Variants in NDFIP1 observed in about 807,000 individuals in gnomAD.
The protein encoded by NDFIP1 is Nedd4 family interacting protein 1.
A neutral mutation model predicts 28.8 loss-of-function variants in NDFIP1; 7 were observed. That is an observed-to-expected ratio of 0.24 (90% CI 0.14 to 0.46). NDFIP1 has a LOEUF of 0.46. Ranked by LOEUF, NDFIP1 falls within the 20% of genes least tolerant of loss-of-function variation. The pLI, the probability that NDFIP1 is intolerant of heterozygous loss-of-function variation, is 0.99. For missense variants in NDFIP1, 194 were observed against 269.1 expected, an observed-to-expected ratio of 0.72 and a Z score of 1.95; for synonymous variants, 92 against 101.0, an observed-to-expected ratio of 0.91 and a Z score of 0.53.
In NDFIP1 at chr5:142,151,718, C is replaced by T. The variant is rs1179431001; in HGVS notation, c.*3-13C>T. 6 of 152,638 alleles carry T rather than the reference C, an allele frequency of 3.9e-5. No homozygotes were observed. Among genetic ancestry groups the T allele is most frequent in the South Asian group, 2.1e-4 (1 of 4,824 alleles). 9.5% of individuals were successfully genotyped at this position (152,638 alleles called of 1,614,324 possible). On this transcript the variant is annotated splice_polypyrimidine_tract_variant and intron_variant, in intron 7 of 7. Transcript: ENST00000253814. ...TAACTAGAGTTTCAATATTCAATAT[C>T]CTTCTCTGGCAGATGTTTTCTGGCA...
In NDFIP1 at chr5:142,154,275, C is replaced by T. The variant is rs1056563702; in HGVS notation, c.*2547C>T. ...CTTGGGCTGCAGGACGACTAGGATT[C>T]ACCCATAACGACACAGTGCCCTATG... On this transcript the variant is annotated 3_prime_UTR_variant, in exon 8 of 8. Transcript: ENST00000253814. 1.3e-5 allele frequency: 2 copies of T among 152,312 alleles called. No homozygotes were observed. Among genetic ancestry groups the T allele is most frequent in the Non-Finnish European group, 2.9e-5 (2 of 68,034 alleles). The allele number at this position is 152,312 out of a possible 1,614,324, so 9.4% of individuals were successfully genotyped here. A position where few individuals can be genotyped will look rare whatever the true frequency, so the allele number is the denominator to read the frequency against.
At chr5:142,121,629 C>T (rs958787098) in intron 1 of NDFIP1, among the ~76,000 whole-genome samples, 1 of 152,176 alleles carries the variant, frequency 6.6e-6, no homozygotes, top group African/African-American at 2.4e-5. Context: ...GTTTAAAATG[C>T]ACTCCTTGTG....
intron 5 of NDFIP1, among the ~76,000 whole-genome samples, chr5:142,140,009 G>A (rs571623305): frequency 6.6e-6 from 1 of 152,058 alleles, no homozygotes; most frequent in African/African-American, 2.4e-5. Flanking sequence ...AGTTAATAAA[G>A]CTAAAAGCTG....
Position 142,108,972 on chromosome 5 carries a change from G to C in NDFIP1, c.-3G>C. The C allele has an allele frequency of 6.9e-7, 1 of 1,444,946 alleles. No homozygotes were observed. Among genetic ancestry groups the C allele is most frequent in the Non-Finnish European group, 9.1e-7 (1 of 1,102,248 alleles). 89.5% of individuals were successfully genotyped at this position (1,444,946 alleles called of 1,614,324 possible). A position where few individuals can be genotyped will look rare whatever the true frequency, so the allele number is the denominator to read the frequency against. On this transcript the variant is annotated 5_prime_UTR_variant, in exon 1 of 8. Coordinates refer to ENST00000253814, the MANE Select transcript of NDFIP1 (RefSeq NM_030571.4). ...GCTCTGCTTCCCTGCTGCCGGCTGCGCCATGGCGTTGGCGTTGGCGGCGCT... is the reference window on the plus strand; with the variant it reads ...GCTCTGCTTCCCTGCTGCCGGCTGCCCCATGGCGTTGGCGTTGGCGGCGCT...
At chr5:142,110,496 A>G (rs1170398550) in intron 1 of NDFIP1, among the ~76,000 whole-genome samples, 6 of 152,208 alleles carry the variant, frequency 3.9e-5, no homozygotes, top group Non-Finnish European at 8.8e-5. Context: ...TTCTTGAGCT[A>G]TTAGGTAATG....
chr5:142,112,269 C>T (rs547068626), intron 1 of NDFIP1, among the ~76,000 whole-genome samples: 1 of 150,976 alleles, frequency 6.6e-6, no homozygotes, highest in Non-Finnish European at 1.5e-5. Context: ...CCTGTAGTCC[C>T]AGCTACTCAG....
At chr5:142,134,290 G>A (rs753920786) in intron 3 of NDFIP1, among the ~76,000 whole-genome samples, 4 of 152,266 alleles carry the variant, frequency 2.6e-5, no homozygotes, top group South Asian at 2.1e-4. Flanking sequence ...GTTAGAAGGT[G>A]TTCGTAATAT....
chr5:142,139,971 C>G (rs1045027639), intron 5 of NDFIP1, among the ~76,000 whole-genome samples: 1 of 151,906 alleles, frequency 6.6e-6, no homozygotes. Flanking sequence ...TCTAAAAAAA[C>G]CAATTTTTGT....
intron 1 of NDFIP1, among the ~76,000 whole-genome samples, chr5:142,115,828 C>T (rs527354939): frequency 6.6e-6 from 1 of 152,242 alleles, no homozygotes; most frequent in African/African-American, 2.4e-5. Context: ...ACAGGTTCTA[C>T]ATTCGCAGAT....
At chr5:142,115,763 T>C (rs148215266) in intron 1 of NDFIP1, among the ~76,000 whole-genome samples, 2 of 152,156 alleles carry the variant, frequency 1.3e-5, no homozygotes, top group African/African-American at 4.8e-5. Context: ...CAGTGGTAAT[T>C]GCTTCTAGTG....
At chr5:142,144,748 G>C in intron 7 of NDFIP1, 72 bp downstream of exon 7, 1 of 1,007,114 alleles carries the variant, frequency 9.9e-7, no homozygotes, top group Middle Eastern at 2.6e-4. Flanking sequence ...TTCAGTTTTA[G>C]AGTAAGTATC....
intron 1 of NDFIP1, among the ~76,000 whole-genome samples, chr5:142,121,314 A>C (rs1757119866): frequency 6.6e-6 from 1 of 152,208 alleles, no homozygotes; most frequent in African/African-American, 2.4e-5. Context: ...AAGGTTGGAG[A>C]TGCCTGTTTC....
In NDFIP1 at chr5:142,153,218, C is replaced by G. The variant is rs921255583; in HGVS notation, c.*1490C>G. On this transcript the variant is annotated 3_prime_UTR_variant, in exon 8 of 8. Transcript: ENST00000253814. ...TCCTGATTTCTATTCTTGTCTCAAT[C>G]TTAAATTTAGAGACCAGTTGTTTTT... 5 of 450,350 alleles carry G rather than the reference C, an allele frequency of 1.1e-5. No homozygotes were observed. The highest frequency in any genetic ancestry group is 1.0e-4 in the African/African-American group (5 of 49,594). 27.9% of individuals were successfully genotyped at this position (450,350 alleles called of 1,614,324 possible). A position where few individuals can be genotyped will look rare whatever the true frequency, so the allele number is the denominator to read the frequency against.
At chr5:142,128,139 A>ATC (rs1283221551) in intron 1 of NDFIP1, among the ~76,000 whole-genome samples, 2 of 152,086 alleles carry the variant, frequency 1.3e-5, no homozygotes, top group Admixed American at 1.3e-4. Context: ...CAGTTTTCAG[A>ATC]TCTGTCTCTC....
chr5:142,148,365 G>GAA (rs1554092455), intron 7 of NDFIP1, among the ~76,000 whole-genome samples: 1 of 152,118 alleles, frequency 6.6e-6, no homozygotes, highest in Non-Finnish European at 1.5e-5. Flanking sequence ...TTAAGGGAGG[G>GAA]AAAAATGTAT....
chr5:142,121,654 G>C (rs1487919908), intron 1 of NDFIP1, among the ~76,000 whole-genome samples: 1 of 152,048 alleles, frequency 6.6e-6, no homozygotes, highest in Non-Finnish European at 1.5e-5. Context: ...GTACTGATGG[G>C]GATACCATAC....
At chr5:142,136,350 C>T (rs946492523) in intron 4 of NDFIP1, among the ~76,000 whole-genome samples, 2 of 152,100 alleles carry the variant, frequency 1.3e-5, no homozygotes, top group African/African-American at 2.4e-5. Flanking sequence ...TGTCAAAATT[C>T]AGAGAACAGG....
At chr5:142,136,318 T>G (rs1757274227) in intron 4 of NDFIP1, among the ~76,000 whole-genome samples, 1 of 152,192 alleles carries the variant, frequency 6.6e-6, no homozygotes, top group African/African-American at 2.4e-5. Context: ...TGCAATGCTT[T>G]TAGAGGTGAT....
intron 1 of NDFIP1, among the ~76,000 whole-genome samples, chr5:142,114,137 T>C (rs1757041603): frequency 6.6e-6 from 1 of 152,226 alleles, no homozygotes; most frequent in African/African-American, 2.4e-5. Context: ...CATACTGTTT[T>C]CCATGGCAGC....
Sources: allele counts gnomAD v4.1 joint callset (sites outside exome capture counted in the v4.1 genomes callset), GRCh38; gene constraint gnomAD v4.1.1; transcripts MANE v1.5; gene names NCBI Gene and HGNC (gene_info 2026-07-23, HGNC 2026-07-21).